MYO15B: variants seen among roughly 807,000 people sequenced by gnomAD.
The protein encoded by MYO15B is myosin XVB pseudogene.
In MYO15B, 207 loss-of-function variants were observed where a neutral mutation model predicts 119.3. The observed-to-expected ratio is 1.73, with a 90% CI of 1.55 to 1.95. MYO15B has a LOEUF of 1.95. Ranked by LOEUF, MYO15B falls within the 30% of genes most tolerant of loss-of-function variation. The pLI is 0.00. For missense variants in MYO15B, 2,264 were observed against 1,203.1 expected (o/e 1.88, Z -13.04); for synonymous variants, 966 against 498.9 (o/e 1.94, Z -12.48).
intron 19 of MYO15B, among the ~76,000 whole-genome samples, chr17:75,604,013 A>AC (rs2147875444): frequency 6.6e-6 from 1 of 152,194 alleles, no homozygotes; most frequent in African/African-American, 2.4e-5. Context: ...CAGCAGCCTC[A>AC]CCCCAGGGCT....
intron 14 of MYO15B, among the ~76,000 whole-genome samples, chr17:75,597,573 AC>A (rs1055916527): frequency 6.6e-6 from 1 of 152,024 alleles, no homozygotes; most frequent in African/African-American, 2.4e-5. Context: ...ACAAAATTAG[AC>A]CCAGTCTCTC....
intron 21 of MYO15B, among the ~76,000 whole-genome samples, chr17:75,607,699 G>A (rs761343064): frequency 8.6e-5 from 13 of 151,964 alleles, no homozygotes; most frequent in South Asian, 2.1e-4. Context: ...CTTCTGAGTC[G>A]ATCCACCCGC....
intron 16 of MYO15B, 108 bp downstream of exon 16, chr17:75,602,702 C>T: frequency 1.6e-6 from 1 of 607,896 alleles, no homozygotes; most frequent in South Asian, 1.9e-5. Flanking sequence ...AAGTCCCTGG[C>T]ACCTTGGGCC....
intron 13 of MYO15B, 101 bp downstream of exon 13, chr17:75,596,656 G>A: frequency 1.5e-6 from 1 of 680,962 alleles, no homozygotes; most frequent in South Asian, 1.6e-5. Flanking sequence ...GCTCTGCCTG[G>A]AAGGCCCCTT....
chr17:75,613,090 G>T (rs1032559737), exon 27 of MYO15B: 1 of 702,566 alleles, frequency 1.4e-6, no homozygotes, highest in African/African-American at 1.7e-5. Context: ...TCTTTAGCCA[G>T]CTGGTGGCCC....
rs1331518452 is a variant in MYO15B, at chr17:75,589,664, A to G, written c.1607A>G (p.Asp536Gly). The change falls in exon 1 of 64, where the codon GAC becomes GGC. Residue 536 changes from aspartate (D) to glycine (G), a missense_variant. Coordinates refer to ENST00000645453, the Ensembl canonical transcript of MYO15B. The surrounding 1 kb of genome is among the most constrained non-coding windows in gnomAD (Gnocchi z 4.2). ...CCCGGCGACCCTTTTGATCAGGAGG[A>G]CGAGACTCCAGATCCCAAGTTCGCG... The G allele has an allele frequency of 1.0e-5, 4 of 398,846 alleles. No homozygotes were observed. The highest frequency in any genetic ancestry group is 1.3e-5 in the Non-Finnish European group (3 of 226,030). 24.7% of individuals were successfully genotyped at this position (398,846 alleles called of 1,614,324 possible). A position where few individuals can be genotyped will look rare whatever the true frequency, so the allele number is the denominator to read the frequency against.
In MYO15B at chr17:75,616,794, C is replaced by A; in HGVS notation, c.6506+9C>A. 1 of 703,016 alleles carries A rather than the reference C, an allele frequency of 1.4e-6. No individual in the cohort carries two copies. Among genetic ancestry groups the A allele is most frequent in the Non-Finnish European group, 2.6e-6 (1 of 384,996 alleles). The allele number at this position is 703,016 out of a possible 1,614,324, so 43.5% of individuals were successfully genotyped here. On this transcript the variant is annotated intron_variant, in intron 39 of 63. Coordinates refer to ENST00000645453, the Ensembl canonical transcript of MYO15B. ...CCCGTGCAGCCATCCAGGTGGGCCC[C>A]CACGGGGAGGTGGCCAGGGCTGTCC...
At chr17:75,592,391 T>G (rs1165931647) in intron 7 of MYO15B, 37 bp from the exon 8 acceptor site, 3 of 680,546 alleles carry the variant, frequency 4.4e-6, no homozygotes, top group Non-Finnish European at 8.0e-6. Context: ...TCTAAGCCCC[T>G]AGGGCACTGA....
intron 7 of MYO15B, 21 bp from the exon 8 acceptor site, chr17:75,592,407 T>C (rs1598703978): frequency 3.0e-6 from 2 of 662,524 alleles, no homozygotes; most frequent in Non-Finnish European, 5.5e-6. Flanking sequence ...ACTGAGCCCC[T>C]AAGCCAGTCC....
At chr17:75,613,870 G>T in intron 29 of MYO15B, 93 bp downstream of exon 29, 1 of 622,670 alleles carries the variant, frequency 1.6e-6, no homozygotes, top group South Asian at 1.8e-5. Context: ...GGGCCGGGAG[G>T]AGAGGTGCCC....
chr17:75,602,898 C>G (rs1199569001), exon 17 of MYO15B: 1 of 687,972 alleles, frequency 1.5e-6, no homozygotes, highest in Admixed American at 2.1e-5. Context: ...CCACGCTGGC[C>G]TCTCGCTTCC....
At chr17:75,602,774 G>C (rs1474553326) in intron 16 of MYO15B, 56 bp from the exon 17 acceptor site, 1 of 605,758 alleles carries the variant, frequency 1.7e-6, no homozygotes, top group Non-Finnish European at 2.9e-6. Flanking sequence ...CTCCCGGGCT[G>C]CAGGGTGGAT....
chr17:75,624,202 T>C, exon 56 of MYO15B: 1 of 702,920 alleles, frequency 1.4e-6, no homozygotes, highest in South Asian at 1.5e-5. Context: ...CAGGAGCACC[T>C]CCAGCGCACA....
At chr17:75,623,239 G>C (rs1451118351) in intron 53 of MYO15B, among the ~76,000 whole-genome samples, 1 of 152,102 alleles carries the variant, frequency 6.6e-6, no homozygotes, top group Non-Finnish European at 1.5e-5. Flanking sequence ...CAGGAGAATC[G>C]CTAGAACCCA....
At chr17:75,613,073 A>G (rs1043729901) in exon 27 of MYO15B, 2 of 702,406 alleles carry the variant, frequency 2.8e-6, no homozygotes, top group Non-Finnish European at 5.2e-6. Flanking sequence ...AGGGCTGCGG[A>G]ATGAGCTCTT....
intron 41 of MYO15B, 37 bp downstream of exon 41, chr17:75,617,341 C>T (rs2058436052): frequency 1.7e-6 from 1 of 599,940 alleles, no homozygotes; most frequent in East Asian, 2.8e-5. Flanking sequence ...GTGGGCTTCA[C>T]TGGGGCAGAG....
chr17:75,619,350 G>A lies in MYO15B; in HGVS notation c.7064-8G>A, dbSNP rs778506692. On this transcript the variant is annotated splice_polypyrimidine_tract_variant and splice_region_variant and intron_variant, in intron 44 of 63. Transcript: ENST00000645453. ...GCAGAGGGCAGCCTGGGTCCTTCCTGCCCACAGGAGGCTTGGAGGTGGACC... is the reference window on the plus strand; with the variant it reads ...GCAGAGGGCAGCCTGGGTCCTTCCTACCCACAGGAGGCTTGGAGGTGGACC... 5.3e-5 allele frequency: 37 copies of A among 702,524 alleles called. No homozygotes were observed. Among genetic ancestry groups the A allele is most frequent in the Non-Finnish European group, 8.6e-5 (33 of 384,920 alleles). The allele number at this position is 702,524 out of a possible 1,614,324, so 43.5% of individuals were successfully genotyped here. A position where few individuals can be genotyped will look rare whatever the true frequency, so the allele number is the denominator to read the frequency against.
exon 19 of MYO15B, chr17:75,603,245 C>T (rs1281908054): frequency 1.4e-6 from 1 of 703,132 alleles, no homozygotes; most frequent in South Asian, 1.5e-5. Flanking sequence ...GGCAGCCATA[C>T]TGGAGGCCGT....
chr17:75,602,782 G>C (rs768059530), intron 16 of MYO15B, 48 bp from the exon 17 acceptor site: 7 of 606,348 alleles, frequency 1.2e-5, no homozygotes, highest in Non-Finnish European at 2.1e-5. Context: ...CTGCAGGGTG[G>C]ATGGGCACGC....
Sources: gnomAD v4.1 joint callset for allele counts (sites outside exome capture counted in the v4.1 genomes callset) on GRCh38, gnomAD v4.1.1 for gene constraint, Gnocchi (gnomAD v3.1) non-coding constraint, MANE v1.5 for transcripts, NCBI Gene and HGNC (gene_info 2026-07-23, HGNC 2026-07-21) for gene names.